The following OCA2 variants were observed in gnomAD, a reference collection of about 807,000 sequenced individuals.
OCA2 encodes the protein OCA2 melanosomal transmembrane protein.
A neutral mutation model predicts 100.2 loss-of-function variants in OCA2; 77 were observed. The ratio of observed to expected loss-of-function variants is 0.77; its 90% CI spans 0.64 to 0.93. OCA2 has a LOEUF of 0.93. Ranked by LOEUF, OCA2 falls within the 40% of genes least tolerant of loss-of-function variation. The pLI, the probability that OCA2 is intolerant of heterozygous loss-of-function variation, is 0.00. For synonymous variants in OCA2, 432 were observed against 439.2 expected (o/e 0.98, Z 0.21); for missense variants, 1,062 against 1,089.1 (o/e 0.98, Z 0.35).
At chr15:27,937,265 A>C (rs1304828145) in intron 18 of OCA2, among the ~76,000 whole-genome samples, 2 of 152,208 alleles carry the variant, frequency 1.3e-5, no homozygotes, top group Non-Finnish European at 2.9e-5. Context: ...ATTTCTGTAT[A>C]GTATTCCACT....
At chr15:27,947,540 C>G (rs1159587519) in intron 18 of OCA2, among the ~76,000 whole-genome samples, 1 of 152,220 alleles carries the variant, frequency 6.6e-6, no homozygotes, top group African/African-American at 2.4e-5. Context: ...CACAGATGCA[C>G]CTGGAAGGTC....
intron 19 of OCA2, among the ~76,000 whole-genome samples, chr15:27,893,162 C>T (rs2037537290): frequency 6.6e-6 from 1 of 152,208 alleles, no homozygotes; most frequent in African/African-American, 2.4e-5. Flanking sequence ...GGCAGAGGAA[C>T]ATAAATTGTG....
intron 19 of OCA2, among the ~76,000 whole-genome samples, chr15:27,880,661 T>G (rs1567055322): frequency 6.6e-6 from 1 of 152,180 alleles, no homozygotes; most frequent in African/African-American, 2.4e-5. Context: ...TCTCTGCTTG[T>G]GTATTGTTGG....
intron 23 of OCA2, among the ~76,000 whole-genome samples, chr15:27,816,375 A>G (rs1393233973): frequency 1.3e-5 from 2 of 152,166 alleles, no homozygotes; most frequent in Non-Finnish European, 2.9e-5. Flanking sequence ...TACCCAGGTA[A>G]AATGTTATAT....
intron 23 of OCA2, among the ~76,000 whole-genome samples, chr15:27,837,626 G>C (rs1337633084): frequency 1.3e-5 from 2 of 152,158 alleles, no homozygotes; most frequent in Admixed American, 6.6e-5. Context: ...AAGTAGGAAG[G>C]CCAACCTAAG....
chr15:27,958,007 C>T (rs965741890), intron 15 of OCA2, among the ~76,000 whole-genome samples: 9 of 152,154 alleles, frequency 5.9e-5, no homozygotes, highest in Non-Finnish European at 1.2e-4. Flanking sequence ...ACAATGAGAA[C>T]ACTTGGACAT....
At chr15:28,054,653 C>T (rs751909964) in intron 2 of OCA2, among the ~76,000 whole-genome samples, 1 of 152,192 alleles carries the variant, frequency 6.6e-6, no homozygotes, top group Non-Finnish European at 1.5e-5. Flanking sequence ...AGTACTCTTA[C>T]ATTATTGTTA....
At position 27,951,768 on chromosome 15, in the gene OCA2, G is replaced by C. The variant is rs1319299939; in HGVS notation, c.1951+16C>G. 5 of 1,533,980 alleles carry C rather than the reference G, an allele frequency of 3.3e-6. No homozygotes were observed. The African/African-American group carries it at 5.5e-5, about 17-fold the overall frequency. On this transcript the variant is annotated intron_variant, in intron 18 of 23. Transcript: ENST00000354638. ...AATGTGACAAAGCCTATGAACCAAAGCTAAATTAGACTCACCAAGATCAAG... is the reference window on the plus strand; with the variant it reads ...AATGTGACAAAGCCTATGAACCAAACCTAAATTAGACTCACCAAGATCAAG...
chr15:27,957,770 A>G lies in OCA2; in HGVS notation c.1637-35T>C, dbSNP rs911490166. 3 of 1,612,282 alleles carry G rather than the reference A, an allele frequency of 1.9e-6. No homozygotes were observed. The highest frequency in any genetic ancestry group is 1.1e-5 in the South Asian group (1 of 91,052). ...AAGGAAGGCGAAGCTTGGGTCTCCC[A>G]TGACCTCAGATATCAGCAACACCCT... On this transcript the variant is annotated intron_variant, in intron 15 of 23. Transcript: ENST00000354638. This position sits in a 1 kb window ranked among gnomAD's most constrained non-coding sequence, Gnocchi z 4.3.
intron 2 of OCA2, among the ~76,000 whole-genome samples, chr15:28,032,675 TC>T (rs926043421): frequency 2.0e-5 from 3 of 150,426 alleles, no homozygotes; most frequent in Non-Finnish European, 4.4e-5. Context: ...GTGCCTGTAA[TC>T]CCAGCTACTC....
At chr15:28,064,675 T>G (rs2043970981) in intron 2 of OCA2, among the ~76,000 whole-genome samples, 1 of 151,762 alleles carries the variant, frequency 6.6e-6, no homozygotes, top group East Asian at 1.9e-4. Flanking sequence ...ACGGTGTTTT[T>G]CTTATTTCCC....
intron 21 of OCA2, among the ~76,000 whole-genome samples, chr15:27,855,069 A>G (rs1267790941): frequency 2.6e-5 from 4 of 152,220 alleles, no homozygotes; most frequent in Non-Finnish European, 5.9e-5. Context: ...TTGCTTCAAA[A>G]AGTATGCTCT....
chr15:27,789,626 G>A (rs182242789), intron 23 of OCA2, among the ~76,000 whole-genome samples: 72 of 152,174 alleles, frequency 4.7e-4, no homozygotes, highest in Admixed American at 2.0e-3. Context: ...CACAGGGGGC[G>A]CTTATCAAAG....
At chr15:28,066,338 C>T (rs2044022866) in intron 2 of OCA2, among the ~76,000 whole-genome samples, 2 of 152,108 alleles carry the variant, frequency 1.3e-5, no homozygotes, top group South Asian at 2.1e-4. Flanking sequence ...CCCTCACTGA[C>T]TAATGGGAAT....
chr15:28,006,142 G>A (rs1337571189), intron 9 of OCA2, among the ~76,000 whole-genome samples: 1 of 152,156 alleles, frequency 6.6e-6, no homozygotes, highest in African/African-American at 2.4e-5. Context: ...TCCCAGAACA[G>A]GGCTGGCCCC....
chr15:27,990,628 G>A lies in OCA2; in HGVS notation c.1064C>T (p.Ala355Val), dbSNP rs570914443. The change falls in exon 10 of 24, where the codon GCG becomes GTG. Residue 355 changes from alanine to valine, a missense_variant. Coordinates refer to ENST00000354638, the MANE Select transcript of OCA2 (RefSeq NM_000275.3). Reference protein sequence around the residue: ...IIFEIVHRTLAAMLGSLAALA... With the variant: ...IIFEIVHRTLVAMLGSLAALA... The stretch of plus-strand genomic sequence containing the variant: ...TGCTGCAAGGGAACCCAGCATGGCC[G>A]CCAGAGTTCTGTGCACGATCTGGAA... 1.5e-4 allele frequency: 235 copies of A among 1,613,970 alleles called. 4 individuals carry two copies. In the South Asian group the frequency reaches 2.2e-3, roughly 15 times the overall value.
At chr15:27,992,136 C>T (rs1595779257) in intron 9 of OCA2, among the ~76,000 whole-genome samples, 2 of 151,670 alleles carry the variant, frequency 1.3e-5, no homozygotes, top group Non-Finnish European at 2.9e-5. Flanking sequence ...AGTCTCACTC[C>T]GTTGCCGAGG....
chr15:27,766,397 A>T (rs2031264790), intron 23 of OCA2, among the ~76,000 whole-genome samples: 1 of 152,084 alleles, frequency 6.6e-6, no homozygotes, highest in Non-Finnish European at 1.5e-5. Context: ...CCAGCTAAGG[A>T]ATCTGGGAGC....
chr15:27,826,351 CCACA>C (rs10535869), intron 23 of OCA2, among the ~76,000 whole-genome samples: 7,285 of 149,808 alleles, frequency 0.049, 576 homozygotes, highest in African/African-American at 0.17. Flanking sequence ...AAGGAACTTC[CCACA>C]CACACACACA....
Sources: gnomAD v4.1 joint callset for allele counts (sites outside exome capture counted in the v4.1 genomes callset) on GRCh38, gnomAD v4.1.1 for gene constraint, Gnocchi (gnomAD v3.1) non-coding constraint, MANE v1.5 for transcripts, NCBI Gene and HGNC (gene_info 2026-07-23, HGNC 2026-07-21) for gene names.